Variants in TRPS1 observed in about 807,000 individuals in gnomAD.
TRPS1 encodes zinc finger transcription factor Trps1.
Under a neutral mutation model 101.2 loss-of-function variants are expected in TRPS1, and 6 were observed. The observed-to-expected ratio is 0.06, with a 90% CI of 0.03 to 0.12. The LOEUF (loss-of-function observed/expected upper bound fraction) is 0.12. Among genes scored for constraint, TRPS1 ranks in the 10% least tolerant of loss-of-function variants. The pLI is 1.00. For missense variants in TRPS1, 1,363 were observed against 1,567.0 expected (o/e 0.87, Z 2.20); for synonymous variants, 578 against 589.8 (o/e 0.98, Z 0.29).
chr8:115,608,173 C>T (rs1818082704), intron 3 of TRPS1, among the ~76,000 whole-genome samples: 1 of 152,194 alleles, frequency 6.6e-6, no homozygotes, highest in Admixed American at 6.5e-5. Context: ...AAAGAGAGTG[C>T]AAGCAGAATA....
At chr8:115,516,868 T>TA (rs1246565873) in intron 5 of TRPS1, among the ~76,000 whole-genome samples, 1 of 151,416 alleles carries the variant, frequency 6.6e-6, no homozygotes, top group East Asian at 1.9e-4. Flanking sequence ...AACAAACAGA[T>TA]AAAAACATAA....
intron 1 of TRPS1, among the ~76,000 whole-genome samples, chr8:115,628,988 A>G (rs1386650475): frequency 6.6e-6 from 1 of 151,880 alleles, no homozygotes; most frequent in African/African-American, 2.4e-5. Flanking sequence ...TGTCCAATCT[A>G]GACTGAAATT....
At chr8:115,507,219 C>T (rs898416756) in intron 5 of TRPS1, among the ~76,000 whole-genome samples, 5 of 151,986 alleles carry the variant, frequency 3.3e-5, no homozygotes, top group African/African-American at 9.7e-5. Flanking sequence ...CAAGCTCGTT[C>T]GTTTGTCTAA....
At chr8:115,561,018 T>A (rs1298521664) in intron 5 of TRPS1, among the ~76,000 whole-genome samples, 2 of 152,142 alleles carry the variant, frequency 1.3e-5, no homozygotes, top group African/African-American at 4.8e-5. Flanking sequence ...TTTATTTTTA[T>A]AAAGACAAAA....
Position 115,587,554 on chromosome 8 carries a change from TCG to T in TRPS1, c.2145_2146del (p.Asp716TyrfsTer40). ...GAAGTGCTCCAGTAGTGACTGAGTA[TCG>T]GCAGCTGTAAAACTGCACTGACGGC... On this transcript the variant is annotated frameshift_variant, in exon 5 of 7. Coordinates refer to ENST00000395715, the MANE Select transcript of TRPS1 (RefSeq NM_014112.5). LOFTEE classifies it high-confidence loss of function. The T allele has an allele frequency of 1.2e-6, 2 of 1,614,164 alleles. No homozygotes were observed. The highest frequency in any genetic ancestry group is 1.7e-6 in the Non-Finnish European group (2 of 1,180,018).
intron 5 of TRPS1, among the ~76,000 whole-genome samples, chr8:115,426,705 T>C (rs1813195108): frequency 6.6e-6 from 1 of 152,112 alleles, no homozygotes; most frequent in East Asian, 1.9e-4. Flanking sequence ...AAGTGTAAAA[T>C]ATTTACAAAT....
chr8:115,652,164 C>T (rs1466362173), intron 1 of TRPS1, among the ~76,000 whole-genome samples: 1 of 152,038 alleles, frequency 6.6e-6, no homozygotes, highest in Non-Finnish European at 1.5e-5. Context: ...GAAGAGATAC[C>T]CAAGAGAATG....
chr8:115,431,922 A>C (rs1467377974), intron 5 of TRPS1, among the ~76,000 whole-genome samples: 1 of 151,922 alleles, frequency 6.6e-6, no homozygotes, highest in Non-Finnish European at 1.5e-5. Context: ...TGGCTACTTT[A>C]TAAATATATA....
chr8:115,553,768 C>A (rs930951087), intron 5 of TRPS1, among the ~76,000 whole-genome samples: 1 of 151,976 alleles, frequency 6.6e-6, no homozygotes, highest in African/African-American at 2.4e-5. Flanking sequence ...TTCACAGTAG[C>A]ATAGAGGTAA....
intron 1 of TRPS1, among the ~76,000 whole-genome samples, chr8:115,654,228 G>A (rs888759564): frequency 6.0e-4 from 18 of 29,766 alleles, no homozygotes; most frequent in African/African-American, 2.5e-3. Context: ...GCTAGAAATG[G>A]AAAGTTGAGA....
chr8:115,477,430 C>T (rs1051154233), intron 5 of TRPS1, among the ~76,000 whole-genome samples: 13 of 152,198 alleles, frequency 8.5e-5, no homozygotes, highest in African/African-American at 3.1e-4. Flanking sequence ...TCTAGAAGTG[C>T]TCCTGTATCT....
chr8:115,561,967 T>G (rs1399140447), intron 5 of TRPS1, among the ~76,000 whole-genome samples: 1 of 152,054 alleles, frequency 6.6e-6, no homozygotes, highest in Non-Finnish European at 1.5e-5. Flanking sequence ...CAAAAATATT[T>G]TTCAAAACTT....
intron 5 of TRPS1, among the ~76,000 whole-genome samples, chr8:115,529,901 G>A (rs1000165956): frequency 1.3e-5 from 2 of 151,984 alleles, no homozygotes; most frequent in African/African-American, 4.8e-5. Flanking sequence ...GTAACTGGCA[G>A]GGAAATATAA....
intron 5 of TRPS1, among the ~76,000 whole-genome samples, chr8:115,454,232 AT>A (rs1177943034): frequency 1.3e-5 from 2 of 152,150 alleles, no homozygotes; most frequent in Admixed American, 1.3e-4. Flanking sequence ...TCAATACCGT[AT>A]TTTGAGTATC....
At chr8:115,663,721 G>GAAAAAA (rs1201864123) in intron 1 of TRPS1, among the ~76,000 whole-genome samples, 74 of 76,650 alleles carry the variant, frequency 9.7e-4, no homozygotes, top group African/African-American at 1.7e-3. Context: ...CTTGGAAAAG[G>GAAAAAA]AAAAAAAAAA....
intron 5 of TRPS1, among the ~76,000 whole-genome samples, chr8:115,471,043 G>A (rs182147476): frequency 1.9e-4 from 29 of 152,316 alleles, no homozygotes; most frequent in African/African-American, 6.3e-4. Flanking sequence ...AGGGTCTAGA[G>A]CCCTCAAAGG....
At position 115,410,945 on chromosome 8, in the gene TRPS1, G is replaced by A. The variant is rs532589457; in HGVS notation, c.*3078C>T. 2.0e-5 allele frequency: 3 copies of A among 151,522 alleles called. No homozygotes were observed. The highest frequency in any genetic ancestry group is 7.3e-5 in the African/African-American group (3 of 41,370). The allele number at this position is 151,522 out of a possible 1,614,324, so 9.4% of individuals were successfully genotyped here. A position where few individuals can be genotyped will look rare whatever the true frequency, so the allele number is the denominator to read the frequency against. On this transcript the variant is annotated 3_prime_UTR_variant, in exon 7 of 7. Coordinates refer to ENST00000395715, the MANE Select transcript of TRPS1 (RefSeq NM_014112.5). The stretch of plus-strand genomic sequence containing the variant: ...TAGCTCGTTTAAAATCACAATTTAA[G>A]ATAAAATAATTCAGAAATCTTAAAT...
chr8:115,426,029 G>A (rs1813178358), intron 5 of TRPS1, among the ~76,000 whole-genome samples: 1 of 151,828 alleles, frequency 6.6e-6, no homozygotes, highest in Non-Finnish European at 1.5e-5. Context: ...TTCATTCCAC[G>A]TGAAAGTCAT....
chr8:115,429,056 C>T (rs952008064), intron 5 of TRPS1, among the ~76,000 whole-genome samples: 4 of 152,186 alleles, frequency 2.6e-5, no homozygotes, highest in South Asian at 4.1e-4. Flanking sequence ...TTTTAAAAGA[C>T]GAAGTGGAAT....
Sources: allele counts gnomAD v4.1 joint callset (sites outside exome capture counted in the v4.1 genomes callset), GRCh38; gene constraint gnomAD v4.1.1; transcripts MANE v1.5; gene names NCBI Gene and HGNC (gene_info 2026-07-23, HGNC 2026-07-21).